RFX4: variants seen among roughly 807,000 people sequenced by gnomAD.
RFX4 encodes the protein regulatory factor X4.
RFX4 carries 10 observed loss-of-function variants against 95.0 expected under a neutral mutation model. The ratio of observed to expected loss-of-function variants is 0.11; its 90% CI spans 0.06 to 0.18. The LOEUF (loss-of-function observed/expected upper bound fraction) is 0.18, where lower values mean the gene tolerates loss of function less well. Among genes scored for constraint, RFX4 ranks in the 10% least tolerant of loss-of-function variants. The probability of loss-of-function intolerance (pLI) is 1.00; values close to 1 mark genes in which losing one functional copy is unlikely to be tolerated. For synonymous variants in RFX4, 321 were observed against 340.7 expected (o/e 0.94, Z 0.64); for missense variants, 640 against 922.0 (o/e 0.69, Z 3.96).
intron 13 of RFX4, among the ~76,000 whole-genome samples, chr12:106,723,552 CACA>C (rs796272304): frequency 5.9e-5 from 9 of 152,284 alleles, no homozygotes; most frequent in Non-Finnish European, 1.0e-4. Context: ...GGCACAATTG[CACA>C]ACACTTCCAC....
chr12:106,759,626 T>C (rs930254724), intron 17 of RFX4, among the ~76,000 whole-genome samples: 22 of 152,120 alleles, frequency 1.4e-4, no homozygotes, highest in African/African-American at 4.8e-4. Context: ...TAGGTTCCCA[T>C]GACGCAGAGC....
At chr12:106,680,892 A>G (rs2041492977) in intron 4 of RFX4, 1 of 152,248 alleles carries the variant, frequency 6.6e-6, no homozygotes, top group South Asian at 2.1e-4. Flanking sequence ...CAAATGGGGA[A>G]ACTGAGTCAT....
intron 4 of RFX4, among the ~76,000 whole-genome samples, chr12:106,670,757 T>C (rs983292425): frequency 2.0e-5 from 3 of 152,210 alleles, no homozygotes; most frequent in Non-Finnish European, 2.9e-5. Flanking sequence ...CATTTTAAGA[T>C]GGAAGCATTG....
intron 10 of RFX4, among the ~76,000 whole-genome samples, chr12:106,712,644 G>GCA (rs2042213960): frequency 2.0e-5 from 3 of 152,114 alleles, no homozygotes; most frequent in Non-Finnish European, 4.4e-5. Context: ...GGACAGCACA[G>GCA]GGGATGATTT....
intron 15 of RFX4, among the ~76,000 whole-genome samples, chr12:106,734,699 CAG>C (rs1188947730): frequency 1.3e-5 from 2 of 151,910 alleles, no homozygotes; most frequent in African/African-American, 4.8e-5. Context: ...AACTTAAGAA[CAG>C]AGAGAGTCTA....
At chr12:106,676,797 C>T (rs4964185) in intron 4 of RFX4, among the ~76,000 whole-genome samples, 32,628 of 152,006 alleles carry the variant, frequency 0.21, 3,729 homozygotes, top group South Asian at 0.28. Context: ...TTGATGAGAA[C>T]GAGAAATCAT....
At chr12:106,651,589 C>A (rs1032304480) in intron 3 of RFX4, among the ~76,000 whole-genome samples, 4 of 152,302 alleles carry the variant, frequency 2.6e-5, no homozygotes, top group Non-Finnish European at 5.9e-5. Context: ...AATATTATTT[C>A]TTGTGCATAT....
At chr12:106,684,690 A>G in intron 5 of RFX4, 1 of 1,469,922 alleles carries the variant, frequency 6.8e-7, no homozygotes. Context: ...CTCCTCCCCC[A>G]CCCACAGAGT....
intron 5 of RFX4, among the ~76,000 whole-genome samples, chr12:106,684,336 C>T (rs1664056151): frequency 1.3e-5 from 2 of 152,164 alleles, no homozygotes; most frequent in Non-Finnish European, 2.9e-5. Context: ...CACTGCACTC[C>T]AGCCAGGGTG....
chr12:106,744,948 G>C (rs2042865790), intron 15 of RFX4, among the ~76,000 whole-genome samples: 1 of 152,170 alleles, frequency 6.6e-6, no homozygotes, highest in Admixed American at 6.5e-5. Context: ...CATAGTTAAA[G>C]ATATTGCTGT....
chr12:106,661,908 G>C lies in RFX4; in HGVS notation c.315+7557G>C, dbSNP rs183806838. Among the ~76,000 whole-genome samples, 295 of 152,126 alleles carry C rather than the reference G, an allele frequency of 1.9e-3. 3 individuals carry two copies. Among genetic ancestry groups the C allele is most frequent in the African/African-American group, 6.7e-3 (280 of 41,502 alleles). ...TGGCTTGACAGCACATTTCTTTTTA[G>C]TGCTGAATAATATTTCATTGTCTGG... On this transcript the variant is annotated intron_variant, in intron 4 of 17. Coordinates refer to ENST00000392842, the MANE Select transcript of RFX4 (RefSeq NM_213594.3).
intron 13 of RFX4, among the ~76,000 whole-genome samples, chr12:106,723,051 T>C (rs2042425466): frequency 6.6e-6 from 1 of 152,256 alleles, no homozygotes; most frequent in Non-Finnish European, 1.5e-5. Flanking sequence ...ACCATTACAA[T>C]GATCGTGTGG....
At chr12:106,734,511 G>A (rs773014719) in intron 15 of RFX4, among the ~76,000 whole-genome samples, 5 of 151,628 alleles carry the variant, frequency 3.3e-5, no homozygotes, top group Non-Finnish European at 5.9e-5. Context: ...CAGGAGACTC[G>A]CTTGAACCCA....
At position 106,687,054 on chromosome 12, in the gene RFX4, A is replaced by G. The variant is rs956008979; in HGVS notation, c.548A>G (p.Asn183Ser). ...GGAACACTGCTGCCAGAATTTCCCAATGTCAAAGATCTAAATCTGCCAGCC... is the reference window on the plus strand; with the variant it reads ...GGAACACTGCTGCCAGAATTTCCCAGTGTCAAAGATCTAAATCTGCCAGCC... ...KLGTLLPEFPNVKDLNLPASL... is the reference protein window; with the variant it reads ...KLGTLLPEFPSVKDLNLPASL... The change falls in exon 6 of 18, where the codon AAT becomes AGT. Residue 183 changes from asparagine (N) to serine (S), a missense_variant. Transcript: ENST00000392842. The G allele has an allele frequency of 1.2e-5, 20 of 1,613,762 alleles. No individual in the cohort carries two copies. The highest frequency in any genetic ancestry group is 1.6e-5 in the Non-Finnish European group (19 of 1,179,976).
intron 17 of RFX4, among the ~76,000 whole-genome samples, chr12:106,752,040 A>C (rs1353592544): frequency 5.8e-4 from 84 of 145,814 alleles, no homozygotes; most frequent in Middle Eastern, 3.5e-3. Context: ...GGTAATGCCT[A>C]GGTTTTCTTC....
intron 2 of RFX4, 32 bp downstream of exon 2, chr12:106,608,915 T>A: frequency 6.3e-7 from 1 of 1,583,704 alleles, no homozygotes; most frequent in East Asian, 2.2e-5. Context: ...TTCCATGACA[T>A]CCCAGACATG....
chr12:106,583,230 C>A lies in RFX4; in HGVS notation c.-91C>A. On this transcript the variant is annotated 5_prime_UTR_variant, in exon 1 of 18. Coordinates refer to ENST00000392842, the MANE Select transcript of RFX4 (RefSeq NM_213594.3). The stretch of plus-strand genomic sequence containing the variant: ...TCTCTCTCTCTCCCCTTCTCCCTCC[C>A]TCCCTCCCTTCCTCCCTGGGCATCT... 2.9e-6 allele frequency: 3 copies of A among 1,026,120 alleles called. No individual in the cohort carries two copies. Among genetic ancestry groups the A allele is most frequent in the South Asian group, 1.6e-5 (1 of 62,518 alleles). The allele number at this position is 1,026,120 out of a possible 1,614,324, so 63.6% of individuals were successfully genotyped here.
chr12:106,621,186 G>T (rs2040179819), intron 2 of RFX4, among the ~76,000 whole-genome samples: 1 of 152,176 alleles, frequency 6.6e-6, no homozygotes, highest in Admixed American at 6.5e-5. Flanking sequence ...TTAAAGTAAA[G>T]ACAGGCATAA....
intron 11 of RFX4, among the ~76,000 whole-genome samples, chr12:106,717,502 G>A (rs139855899): frequency 1.3e-5 from 2 of 152,314 alleles, no homozygotes; most frequent in Non-Finnish European, 2.9e-5. Flanking sequence ...TAGGTCCAGG[G>A]CAGAATGGTG....
Sources: gnomAD v4.1 joint callset for allele counts (sites outside exome capture counted in the v4.1 genomes callset) on GRCh38, gnomAD v4.1.1 for gene constraint, MANE v1.5 for transcripts, NCBI Gene and HGNC (gene_info 2026-07-23, HGNC 2026-07-21) for gene names.